Variants in RDX observed in about 807,000 individuals in gnomAD.
The protein encoded by RDX is radixin, also known as deafness, autosomal recessive 24.
A neutral mutation model predicts 83.7 loss-of-function variants in RDX; 32 were observed. That is an observed-to-expected ratio of 0.38 (90% confidence interval 0.29 to 0.51). The LOEUF (loss-of-function observed/expected upper bound fraction) is 0.51. Among genes scored for constraint, RDX ranks in the 20% least tolerant of loss-of-function variants. RDX has a pLI of 0.87. For synonymous variants in RDX, 229 were observed against 222.7 expected (o/e 1.03, Z -0.25); for missense variants, 600 against 689.9 (o/e 0.87, Z 1.46).
chr11:110,280,391 G>A (rs1218219751), intron 1 of RDX, among the ~76,000 whole-genome samples: 4 of 152,106 alleles, frequency 2.6e-5, no homozygotes, highest in Non-Finnish European at 4.4e-5. Context: ...TCATGAGCAC[G>A]TGCCAACATG....
At chr11:110,263,773 T>C (rs1164935064) in intron 5 of RDX, among the ~76,000 whole-genome samples, 187 bp downstream of exon 5, 1 of 148,826 alleles carries the variant, frequency 6.7e-6, no homozygotes, top group Non-Finnish European at 1.5e-5. Flanking sequence ...GAGGCTGAGG[T>C]GGAAGGATGG....
At chr11:110,220,931 G>C (rs1331327451) in intron 14 of RDX, among the ~76,000 whole-genome samples, 2 of 149,840 alleles carry the variant, frequency 1.3e-5, no homozygotes, top group Admixed American at 6.6e-5. Flanking sequence ...ATTTGGTACA[G>C]GATCCCTATA....
At chr11:110,209,643 G>A (rs919122989) in intron 14 of RDX, among the ~76,000 whole-genome samples, 148 of 148,578 alleles carry the variant, frequency 1.0e-3, no homozygotes, top group Non-Finnish European at 1.7e-3. Context: ...GGAGATCTGA[G>A]AACGGGCAGA....
chr11:110,209,716 C>G (rs939617902), intron 14 of RDX, among the ~76,000 whole-genome samples: 1 of 146,736 alleles, frequency 6.8e-6, no homozygotes, highest in Non-Finnish European at 1.5e-5. Context: ...AGGCACCCCC[C>G]AGCAGGGGCA....
intron 10 of RDX, among the ~76,000 whole-genome samples, chr11:110,244,784 T>C (rs11213325): frequency 0.042 from 6,443 of 152,074 alleles, 467 homozygotes; most frequent in African/African-American, 0.15. Flanking sequence ...CTCTATATGA[T>C]GGTATAAGTC....
At chr11:110,214,816 G>T (rs1863972164) in intron 14 of RDX, among the ~76,000 whole-genome samples, 1 of 108,432 alleles carries the variant, frequency 9.2e-6, no homozygotes, top group Non-Finnish European at 1.9e-5. Context: ...ACAGGAAGGG[G>T]AATATCACAC....
At chr11:110,278,565 A>AT (rs537252822) in intron 2 of RDX, among the ~76,000 whole-genome samples, 63 of 151,528 alleles carry the variant, frequency 4.2e-4, no homozygotes, top group Admixed American at 1.4e-3. Flanking sequence ...AAGGCCATTG[A>AT]TTTTTTTTTA....
At chr11:110,207,572 C>G (rs1456921708) in intron 14 of RDX, among the ~76,000 whole-genome samples, 1 of 152,182 alleles carries the variant, frequency 6.6e-6, no homozygotes, top group Admixed American at 6.6e-5. Flanking sequence ...CCAAACCCAG[C>G]TTCCCATCTG....
chr11:110,282,053 C>T (rs569740299), intron 1 of RDX, among the ~76,000 whole-genome samples: 1 of 151,598 alleles, frequency 6.6e-6, no homozygotes, highest in Non-Finnish European at 1.5e-5. Flanking sequence ...ATCACCAATG[C>T]ACTCCAGCCT....
chr11:110,221,311 G>C (rs559341175), intron 14 of RDX, among the ~76,000 whole-genome samples: 11 of 152,060 alleles, frequency 7.2e-5, no homozygotes, highest in Admixed American at 3.3e-4. Flanking sequence ...TAAGAACTAA[G>C]ATCAGGCTGG....
At chr11:110,190,918 G>A (rs1445647154) in intron 15 of RDX, among the ~76,000 whole-genome samples, 2 of 152,158 alleles carry the variant, frequency 1.3e-5, no homozygotes, top group Non-Finnish European at 2.9e-5. Flanking sequence ...GAATAGAGCA[G>A]TATCAAGTTC....
chr11:110,229,566 C>G lies in RDX; in HGVS notation c.*2303G>C, dbSNP rs1195584125. On this transcript the variant is annotated 3_prime_UTR_variant, in exon 14 of 14. Coordinates refer to ENST00000645495, the MANE Select transcript of RDX (RefSeq NM_002906.4). ...ATGGTAAAAGCCTACTGGGATTTAC[C>G]AAATACTCATTAGTGTATTTTTACA... 1 of 152,336 alleles carries G rather than the reference C, an allele frequency of 6.6e-6. No individual in the cohort carries two copies. Among genetic ancestry groups the G allele is most frequent in the Non-Finnish European group, 1.5e-5 (1 of 67,880 alleles). 9.4% of individuals were successfully genotyped at this position (152,336 alleles called of 1,614,324 possible).
Position 110,237,641 on chromosome 11 carries a change from G to C in RDX, c.1102C>G (p.Gln368Glu). The change falls in exon 11 of 14, where the codon CAG (glutamine) becomes GAG (glutamate). Residue 368 changes from glutamine (Q) to glutamate (E), a missense_variant. Physicochemically the swap from Gln to Glu is conservative, Grantham distance 29. Transcript: ENST00000645495. Reference protein sequence around the residue: ...TIKAQKELEEQTRKALELDQE... With the variant: ...TIKAQKELEEETRKALELDQE... ...TCCAGTTCTAGAGCTTTTCGAGTCTGTTCTTCTAGTTCTATGAAATATGTG... is the reference window on the plus strand; with the variant it reads ...TCCAGTTCTAGAGCTTTTCGAGTCTCTTCTTCTAGTTCTATGAAATATGTG... 15 of 1,614,054 alleles carry C rather than the reference G, an allele frequency of 9.3e-6. No homozygotes were observed. Among genetic ancestry groups the C allele is most frequent in the Non-Finnish European group, 1.3e-5 (15 of 1,179,946 alleles).
At chr11:110,280,576 T>C (rs1165098333) in intron 1 of RDX, among the ~76,000 whole-genome samples, 2 of 152,200 alleles carry the variant, frequency 1.3e-5, no homozygotes, top group Non-Finnish European at 2.9e-5. Context: ...AATTTGAAAA[T>C]ATGAATGGAG....
intron 1 of RDX, among the ~76,000 whole-genome samples, chr11:110,286,474 G>A (rs1454325629): frequency 6.6e-6 from 1 of 152,190 alleles, no homozygotes; most frequent in Non-Finnish European, 1.5e-5. Flanking sequence ...TCGACACATT[G>A]AGCTCTGTTA....
At chr11:110,244,915 T>C (rs1859035477) in intron 10 of RDX, among the ~76,000 whole-genome samples, 1 of 151,920 alleles carries the variant, frequency 6.6e-6, no homozygotes, top group African/African-American at 2.4e-5. Context: ...TCGTAAAAAT[T>C]GAGCCTCATA....
At chr11:110,270,123 C>T (rs528109976) in intron 3 of RDX, among the ~76,000 whole-genome samples, 48 of 151,322 alleles carry the variant, frequency 3.2e-4, no homozygotes, top group African/African-American at 1.0e-3. Flanking sequence ...TGCATGTGTG[C>T]GTGTGTGTGT....
At chr11:110,258,824 G>C (rs1415693237) in intron 5 of RDX, among the ~76,000 whole-genome samples, 1 of 145,006 alleles carries the variant, frequency 6.9e-6, no homozygotes, top group African/African-American at 2.5e-5. Flanking sequence ...ACTTGTTTTT[G>C]TATCCTTCCA....
intron 5 of RDX, 133 bp downstream of exon 5, chr11:110,263,827 C>CA: frequency 2.7e-6 from 2 of 746,898 alleles, no homozygotes; most frequent in Non-Finnish European, 4.3e-6. Flanking sequence ...GAGATCACGC[C>CA]ACTGCACTCC....
Sources: allele counts gnomAD v4.1 joint callset (sites outside exome capture counted in the v4.1 genomes callset), GRCh38; gene constraint gnomAD v4.1.1; transcripts MANE v1.5; gene names NCBI Gene and HGNC (gene_info 2026-07-23, HGNC 2026-07-21).